The following NAALADL2 variants were observed in gnomAD, a reference collection of about 807,000 sequenced individuals.
NAALADL2 encodes N-acetylated alpha-linked acidic dipeptidase like 2, also known as inactive N-acetylated-alpha-linked acidic dipeptidase-like protein 2.
In NAALADL2, 76 loss-of-function variants were observed where a neutral mutation model predicts 87.2. The observed-to-expected ratio is 0.87, with a 90% CI of 0.72 to 1.05. NAALADL2 has a LOEUF of 1.05. Among genes scored for constraint, NAALADL2 ranks in the 50% least tolerant of loss-of-function variants. The pLI is 0.00. For missense variants in NAALADL2, 1,089 were observed against 945.8 expected (o/e 1.15, Z -1.99); for synonymous variants, 354 against 331.0 (o/e 1.07, Z -0.75).
intron 1 of NAALADL2, among the ~76,000 whole-genome samples, chr3:174,966,035 A>G (rs1294867152): frequency 6.6e-6 from 1 of 152,128 alleles, no homozygotes; most frequent in Non-Finnish European, 1.5e-5. Flanking sequence ...CATAAATATA[A>G]GTGAATCCAG....
At chr3:175,351,241 T>TA (rs1294225537) in intron 5 of NAALADL2, among the ~76,000 whole-genome samples, 1 of 152,014 alleles carries the variant, frequency 6.6e-6, no homozygotes, top group Non-Finnish European at 1.5e-5. Flanking sequence ...TTTTGATTTT[T>TA]AAAAAAATAG....
chr3:175,510,690 G>A (rs1227061142), intron 9 of NAALADL2, among the ~76,000 whole-genome samples: 1 of 152,144 alleles, frequency 6.6e-6, no homozygotes, highest in African/African-American at 2.4e-5. Context: ...ACTTATTCAA[G>A]GACACACAGG....
At chr3:174,970,769 A>G (rs1388873966) in intron 1 of NAALADL2, among the ~76,000 whole-genome samples, 1 of 152,178 alleles carries the variant, frequency 6.6e-6, no homozygotes, top group Non-Finnish European at 1.5e-5. Flanking sequence ...CTGCTATGAT[A>G]TGGTCTAAAT....
intron 5 of NAALADL2, among the ~76,000 whole-genome samples, chr3:175,406,357 C>T (rs751517699): frequency 6.6e-6 from 1 of 152,146 alleles, no homozygotes; most frequent in Non-Finnish European, 1.5e-5. Flanking sequence ...ACTGTCACTC[C>T]TGACTAAGAC....
At chr3:175,342,505 C>CGTGTGTGTGTGTGT (rs35444340) in intron 5 of NAALADL2, among the ~76,000 whole-genome samples, 3,359 of 146,684 alleles carry the variant, frequency 0.023, 116 homozygotes, top group African/African-American at 0.08. Flanking sequence ...CCAAATATTG[C>CGTGTGTGTGTGTGT]GTGTGTGTGT....
intron 5 of NAALADL2, among the ~76,000 whole-genome samples, chr3:175,397,512 T>C (rs1397525669): frequency 6.6e-6 from 1 of 152,142 alleles, no homozygotes; most frequent in Non-Finnish European, 1.5e-5. Context: ...CTGAGCCCAC[T>C]GAATTCCCCT....
At chr3:174,827,077 A>G (rs1722078141) in intron 3 of NAALADL2, among the ~76,000 whole-genome samples, 1 of 152,186 alleles carries the variant, frequency 6.6e-6, no homozygotes, top group African/African-American at 2.4e-5. Context: ...TCTTGAGTTC[A>G]ATCTTCTCTT....
At chr3:174,909,619 A>G (rs551894411) in intron 1 of NAALADL2, among the ~76,000 whole-genome samples, 4 of 152,250 alleles carry the variant, frequency 2.6e-5, no homozygotes, top group East Asian at 3.9e-4. Flanking sequence ...GTTAGTGCAC[A>G]GACTGTGGGG....
intron 2 of NAALADL2, among the ~76,000 whole-genome samples, chr3:175,160,577 C>A (rs1376400197): frequency 2.0e-5 from 3 of 151,562 alleles, no homozygotes; most frequent in Non-Finnish European, 4.4e-5. Context: ...GTCTTGAGCT[C>A]CCAACCTCAG....
intron 12 of NAALADL2, among the ~76,000 whole-genome samples, chr3:175,745,874 C>T (rs1745854120): frequency 6.6e-6 from 1 of 152,172 alleles, no homozygotes; most frequent in Non-Finnish European, 1.5e-5. Context: ...CAATTAATGT[C>T]TGCGTAATTC....
chr3:175,083,770 T>C (rs576180813), intron 1 of NAALADL2, among the ~76,000 whole-genome samples: 442 of 152,324 alleles, frequency 2.9e-3, no homozygotes, highest in South Asian at 0.012. Flanking sequence ...TGAGTTAAAA[T>C]ACCTACCACC....
At chr3:174,868,359 T>C (rs968243205) in intron 1 of NAALADL2, among the ~76,000 whole-genome samples, 1 of 152,172 alleles carries the variant, frequency 6.6e-6, no homozygotes, top group Admixed American at 6.5e-5. Context: ...TATATTTGTA[T>C]ATATTAGGCA....
At chr3:174,690,613 G>A (rs182762521) in intron 2 of NAALADL2, among the ~76,000 whole-genome samples, 31 of 152,212 alleles carry the variant, frequency 2.0e-4, no homozygotes, top group Admixed American at 4.6e-4. Context: ...TTTATGCAAT[G>A]CCATTTTAAT....
chr3:175,424,809 A>G (rs988859042), intron 5 of NAALADL2, among the ~76,000 whole-genome samples: 1 of 152,122 alleles, frequency 6.6e-6, no homozygotes, highest in African/African-American at 2.4e-5. Flanking sequence ...CAGTGTAGAA[A>G]GGCCAAGCAC....
At chr3:175,177,557 T>C (rs151199829) in intron 2 of NAALADL2, among the ~76,000 whole-genome samples, 149 of 152,216 alleles carry the variant, frequency 9.8e-4, no homozygotes, top group African/African-American at 3.5e-3. Flanking sequence ...AAGCAGCTTA[T>C]TAAAATTTGT....
intron 9 of NAALADL2, among the ~76,000 whole-genome samples, chr3:175,538,353 C>A (rs958309158): frequency 6.6e-6 from 1 of 151,510 alleles, no homozygotes; most frequent in Non-Finnish European, 1.5e-5. Flanking sequence ...ATTTTTTCCT[C>A]CTTAAGTAAA....
intron 2 of NAALADL2, among the ~76,000 whole-genome samples, chr3:174,654,669 C>T (rs1472517297): frequency 4.6e-5 from 7 of 152,262 alleles, no homozygotes; most frequent in African/African-American, 1.2e-4. Flanking sequence ...CAAATGTTTT[C>T]GGAAGTGCTT....
intron 1 of NAALADL2, among the ~76,000 whole-genome samples, chr3:174,544,256 C>T (rs192376579): frequency 6.6e-6 from 1 of 152,222 alleles, no homozygotes; most frequent in East Asian, 1.9e-4. Flanking sequence ...GTTTTTCTAG[C>T]TCTGACATCC....
At chr3:175,162,919 C>T (rs138084509) in intron 2 of NAALADL2, among the ~76,000 whole-genome samples, 145 of 152,094 alleles carry the variant, frequency 9.5e-4, no homozygotes, top group African/African-American at 3.3e-3. Context: ...TAATCTCTGA[C>T]TCTTTAAGCA....
Sources: allele counts gnomAD v4.1 joint callset (sites outside exome capture counted in the v4.1 genomes callset), GRCh38; gene constraint gnomAD v4.1.1; transcripts MANE v1.5; gene names NCBI Gene and HGNC (gene_info 2026-07-23, HGNC 2026-07-21).